The following CHRNA7 variants were observed in gnomAD, a reference collection of about 807,000 sequenced individuals.
The protein encoded by CHRNA7 is cholinergic receptor nicotinic alpha 7 subunit.
CHRNA7 carries 17 observed loss-of-function variants against 48.0 expected under a neutral mutation model. That is an observed-to-expected ratio of 0.35 (90% CI 0.24 to 0.53). CHRNA7 has a LOEUF of 0.53. Ranked by LOEUF, CHRNA7 falls within the 20% of genes least tolerant of loss-of-function variation. The pLI is 0.92. For missense variants in CHRNA7, 155 were observed against 577.7 expected, an observed-to-expected ratio of 0.27 and a Z score of 7.50; for synonymous variants, 75 against 242.3, an observed-to-expected ratio of 0.31 and a Z score of 6.41.
intron 4 of CHRNA7, among the ~76,000 whole-genome samples, chr15:32,124,545 T>C (rs1005732781): frequency 2.0e-5 from 3 of 152,060 alleles, no homozygotes; most frequent in African/African-American, 7.2e-5. Flanking sequence ...AGTAGTAATA[T>C]TCACAAAAAA....
At chr15:32,056,502 A>T (rs1595394158) in intron 2 of CHRNA7, among the ~76,000 whole-genome samples, 1 of 152,230 alleles carries the variant, frequency 6.6e-6, no homozygotes, top group Admixed American at 6.5e-5. Context: ...ATTGTCCACT[A>T]TGCCTGTGCC....
At chr15:32,152,054 A>G (rs997011905) in intron 4 of CHRNA7, among the ~76,000 whole-genome samples, 1 of 152,160 alleles carries the variant, frequency 6.6e-6, no homozygotes, top group African/African-American at 2.4e-5. Flanking sequence ...GCTGTGTTTT[A>G]AGGGTACCCA....
chr15:32,047,865 G>A (rs901006490), intron 2 of CHRNA7, among the ~76,000 whole-genome samples: 37 of 152,138 alleles, frequency 2.4e-4, no homozygotes, highest in Non-Finnish European at 4.3e-4. Flanking sequence ...AATTTATTGA[G>A]AGTTTTTAGC....
intron 4 of CHRNA7, among the ~76,000 whole-genome samples, chr15:32,129,663 AAAG>A (rs1256128120): frequency 2.0e-5 from 3 of 151,860 alleles, no homozygotes; most frequent in Admixed American, 6.6e-5. Flanking sequence ...TGATATTTTC[AAAG>A]AAGATTTTCA....
intron 4 of CHRNA7, among the ~76,000 whole-genome samples, chr15:32,131,194 GCTT>G (rs2051150478): frequency 6.6e-6 from 1 of 152,030 alleles, no homozygotes; most frequent in South Asian, 2.1e-4. Context: ...GTTTTACTCA[GCTT>G]CTTGAATCTG....
intron 4 of CHRNA7, among the ~76,000 whole-genome samples, chr15:32,119,769 G>A (rs764405694): frequency 2.0e-5 from 3 of 152,112 alleles, no homozygotes; most frequent in Non-Finnish European, 4.4e-5. Flanking sequence ...GGCAGGTTTT[G>A]CTTTTGTTGT....
At chr15:32,119,987 T>C (rs530762229) in intron 4 of CHRNA7, among the ~76,000 whole-genome samples, 1 of 152,346 alleles carries the variant, frequency 6.6e-6, no homozygotes, top group African/African-American at 2.4e-5. Flanking sequence ...TTCAGCCTAC[T>C]TGCCCGCAGC....
intron 2 of CHRNA7, among the ~76,000 whole-genome samples, chr15:32,033,816 G>C (rs1901958959): frequency 6.6e-6 from 1 of 152,192 alleles, no homozygotes; most frequent in Non-Finnish European, 1.5e-5. Flanking sequence ...GACCATAGTA[G>C]TTGGTTTTCC....
intron 4 of CHRNA7, among the ~76,000 whole-genome samples, chr15:32,152,583 G>A (rs992928387): frequency 2.6e-5 from 4 of 152,192 alleles, no homozygotes; most frequent in African/African-American, 2.4e-5. Context: ...AGCAGGGCAC[G>A]CAGGCTTAGG....
intron 2 of CHRNA7, among the ~76,000 whole-genome samples, chr15:32,057,779 A>G (rs2049810791): frequency 2.6e-5 from 4 of 152,236 alleles, no homozygotes; most frequent in African/African-American, 7.2e-5. Flanking sequence ...AAGTGAAAGG[A>G]TAACAGATAT....
At chr15:32,121,470 T>C (rs1250574922) in intron 4 of CHRNA7, among the ~76,000 whole-genome samples, 1 of 152,266 alleles carries the variant, frequency 6.6e-6, no homozygotes, top group Non-Finnish European at 1.5e-5. Context: ...TCTGAGGCCT[T>C]GACTCCACAT....
chr15:32,089,338 G>A (rs1205486246), intron 2 of CHRNA7, among the ~76,000 whole-genome samples: 2 of 151,138 alleles, frequency 1.3e-5, no homozygotes, highest in East Asian at 3.9e-4. Flanking sequence ...ATTCAGTTTT[G>A]GAAGTTTCTG....
intron 2 of CHRNA7, among the ~76,000 whole-genome samples, chr15:32,038,268 C>T (rs960275729): frequency 8.6e-5 from 13 of 150,628 alleles, no homozygotes; most frequent in Admixed American, 2.0e-4. Flanking sequence ...CTACAGCTAA[C>T]ATCATACTTA....
chr15:32,092,548 G>C (rs1219523959), intron 2 of CHRNA7, among the ~76,000 whole-genome samples: 1 of 151,928 alleles, frequency 6.6e-6, no homozygotes, highest in Non-Finnish European at 1.5e-5. Context: ...ATTCCAATTT[G>C]TTTTCATCTG....
At chr15:32,133,099 T>A (rs1458347841) in intron 4 of CHRNA7, among the ~76,000 whole-genome samples, 2 of 152,328 alleles carry the variant, frequency 1.3e-5, no homozygotes, top group Non-Finnish European at 1.5e-5. Context: ...CCTTCACCTT[T>A]GTGTCTCCAA....
At chr15:32,046,787 G>A (rs1053622696) in intron 2 of CHRNA7, among the ~76,000 whole-genome samples, 1 of 151,896 alleles carries the variant, frequency 6.6e-6, no homozygotes, top group African/African-American at 2.4e-5. Flanking sequence ...TTCTTCTAGG[G>A]TTTTTATGGT....
rs1164824394 is a variant in CHRNA7 at position 32,164,913 on chromosome 15, TAAAAAAAAAAAA to T, written c.990+1598_990+1609del. 4.4e-4 allele frequency among the ~76,000 whole-genome samples: 7 copies of T among 15,958 alleles called. No individual in the cohort carries two copies. In the East Asian group the frequency reaches 0.011, roughly 25 times the overall value. The allele number at this position is 15,958 out of a possible 152,430, so 10.5% of individuals were successfully genotyped here. The stretch of plus-strand genomic sequence containing the variant: ...GGTGACAGAGCAAAACTCCATCTCC[TAAAAAAAAAAAA>T]AAAAAAAAAAAAAAAAAAAGACTGA... On this transcript the variant is annotated intron_variant, in intron 9 of 9. Coordinates refer to ENST00000306901, the MANE Select transcript of CHRNA7 (RefSeq NM_000746.6).
At chr15:32,108,009 T>G (rs938889393) in intron 3 of CHRNA7, among the ~76,000 whole-genome samples, 3 of 152,186 alleles carry the variant, frequency 2.0e-5, no homozygotes, top group African/African-American at 7.2e-5. Flanking sequence ...AAATCTATTT[T>G]CTTATTATAC....
At chr15:32,085,758 CTG>C (rs2050285179) in intron 2 of CHRNA7, among the ~76,000 whole-genome samples, 1 of 152,218 alleles carries the variant, frequency 6.6e-6, no homozygotes, top group Admixed American at 6.5e-5. Flanking sequence ...CTTTGTTTAT[CTG>C]AAAAACGTTT....
Sources: allele counts gnomAD v4.1 joint callset (sites outside exome capture counted in the v4.1 genomes callset), GRCh38; gene constraint gnomAD v4.1.1; transcripts MANE v1.5; gene names NCBI Gene and HGNC (gene_info 2026-07-23, HGNC 2026-07-21).